PATJ: variants seen among roughly 807,000 people sequenced by gnomAD.
PATJ encodes the protein inaD-like protein.
PATJ carries 190 observed loss-of-function variants against 224.9 expected under a neutral mutation model. The observed-to-expected ratio is 0.84, with a 90% CI of 0.75 to 0.95. PATJ has a LOEUF of 0.95. PATJ is among the 40% of genes least tolerant of loss of function. The pLI is 0.00. For missense variants in PATJ, 2,121 were observed against 2,270.3 expected, an observed-to-expected ratio of 0.93 and a Z score of 1.34; for synonymous variants, 769 against 820.3, an observed-to-expected ratio of 0.94 and a Z score of 1.07.
chr1:61,850,455 T>A (rs550713036), intron 17 of PATJ, among the ~76,000 whole-genome samples: 1 of 152,360 alleles, frequency 6.6e-6, no homozygotes, highest in East Asian at 1.9e-4. Flanking sequence ...ATGTTTTACC[T>A]GTACATGCAG....
At chr1:61,980,424 G>A (rs1446028515) in intron 27 of PATJ, among the ~76,000 whole-genome samples, 5 of 149,912 alleles carry the variant, frequency 3.3e-5, no homozygotes, top group African/African-American at 1.0e-4. Context: ...CCAAAAGCTA[G>A]TACTTATATA....
chr1:61,775,114 C>G, intron 6 of PATJ, 92 bp from the exon 7 acceptor site: 1 of 1,310,232 alleles, frequency 7.6e-7, no homozygotes, highest in Non-Finnish European at 1.0e-6. Context: ...CAATTTGTTG[C>G]AAATCTGTTA....
At chr1:62,100,697 T>A in intron 33 of PATJ, among the ~76,000 whole-genome samples, 1 of 152,192 alleles carries the variant, frequency 6.6e-6, no homozygotes, top group East Asian at 1.9e-4. Flanking sequence ...TCCAACCAAT[T>A]TCTTGACAAT....
At chr1:61,962,375 AC>A (rs983117546) in intron 27 of PATJ, among the ~76,000 whole-genome samples, 2 of 152,218 alleles carry the variant, frequency 1.3e-5, no homozygotes, top group Non-Finnish European at 2.9e-5. Context: ...TTGGGCACTG[AC>A]TATATGTCCT....
At chr1:61,863,027 G>GT (rs35033086) in intron 19 of PATJ, among the ~76,000 whole-genome samples, 3,064 of 79,976 alleles carry the variant, frequency 0.038, 254 homozygotes, top group African/African-American at 0.049. Context: ...ACTGTTTTCA[G>GT]TTTTTTTTTT....
intron 42 of PATJ, among the ~76,000 whole-genome samples, chr1:62,150,881 G>A (rs919214718): frequency 2.6e-5 from 4 of 152,114 alleles, no homozygotes; most frequent in Admixed American, 1.3e-4. Flanking sequence ...GGTGGCTTAC[G>A]CCTGTAATCC....
intron 21 of PATJ, among the ~76,000 whole-genome samples, chr1:61,880,756 A>G (rs1667975823): frequency 6.6e-6 from 1 of 152,180 alleles, no homozygotes; most frequent in Non-Finnish European, 1.5e-5. Context: ...TATTTTAAAT[A>G]TTTTTTCTTC....
chr1:62,119,005 A>G (rs1423890341), intron 37 of PATJ, among the ~76,000 whole-genome samples: 1 of 90,876 alleles, frequency 1.1e-5, no homozygotes, highest in Non-Finnish European at 1.8e-5. Flanking sequence ...TTAAATATCA[A>G]AAAAAAAAAA....
In PATJ at chr1:62,084,781, T is replaced by G. The variant is rs189044745; in HGVS notation, c.4377+133T>G. On this transcript the variant is annotated intron_variant, in intron 33 of 43. Coordinates refer to ENST00000642238, the MANE Select transcript of PATJ (RefSeq NM_001350145.3). ...GAGAAAATGTGATTATAAATAGATG[T>G]GCATCCATAGTCTAGCTAGTTTTCA... is the stretch of plus-strand genomic sequence containing the variant. The G allele has an allele frequency of 3.8e-3, 3,414 of 895,718 alleles. 14 individuals are homozygous for G. The highest frequency in any genetic ancestry group is 3.9e-3 in the Non-Finnish European group (2,230 of 570,400). 55.5% of individuals were successfully genotyped at this position (895,718 alleles called of 1,614,324 possible).
chr1:62,144,766 C>CAAAAAAA (rs546610971), intron 41 of PATJ, among the ~76,000 whole-genome samples: 2 of 116,508 alleles, frequency 1.7e-5, no homozygotes, highest in Non-Finnish European at 3.4e-5. Context: ...ATGTTATTTG[C>CAAAAAAA]AAAAAAAAAA....
chr1:61,823,073 G>C lies in PATJ; in HGVS notation c.1812G>C (p.Leu604=), dbSNP rs1657598499. 1.2e-6 allele frequency: 2 copies of C among 1,613,872 alleles called. No individual in the cohort carries two copies. Among genetic ancestry groups the C allele is most frequent in the Admixed American group, 3.3e-5 (2 of 59,972 alleles). The change falls in exon 15 of 44, where the codon CTG becomes CTC. Residue 604 remains leucine, a synonymous_variant. Transcript: ENST00000642238. ...TLGLLQPEDE[L]LEVNGMQLYG... Reference sequence around the variant, plus strand: ...GTCTCCTACAGCCAGAAGATGAGCTGCTTGAGGTAAAATTTATGGGGAAAG... The same window carrying C: ...GTCTCCTACAGCCAGAAGATGAGCTCCTTGAGGTAAAATTTATGGGGAAAG...
intron 25 of PATJ, among the ~76,000 whole-genome samples, chr1:61,910,286 CTT>C (rs1467274654): frequency 6.6e-6 from 1 of 152,162 alleles, no homozygotes; most frequent in African/African-American, 2.4e-5. Context: ...GAGGTGGAAA[CTT>C]TTGTTTGGAT....
intron 38 of PATJ, among the ~76,000 whole-genome samples, chr1:62,122,401 A>C (rs1016919042): frequency 6.6e-6 from 1 of 151,530 alleles, no homozygotes; most frequent in African/African-American, 2.4e-5. Flanking sequence ...CACACACACA[A>C]AAATGAGTCA....
At chr1:62,153,848 G>A (rs996561229) in intron 43 of PATJ, among the ~76,000 whole-genome samples, 1 of 152,120 alleles carries the variant, frequency 6.6e-6, no homozygotes, top group Non-Finnish European at 1.5e-5. Context: ...AAAATAACAG[G>A]CACCAGGGGG....
chr1:62,101,525 A>G (rs916572001), intron 33 of PATJ, among the ~76,000 whole-genome samples: 6 of 152,162 alleles, frequency 3.9e-5, no homozygotes, highest in African/African-American at 1.4e-4. Flanking sequence ...AGCCTCCCAT[A>G]GTGCTGGGAT....
intron 41 of PATJ, among the ~76,000 whole-genome samples, chr1:62,136,119 C>T (rs770133524): frequency 2.7e-5 from 4 of 148,182 alleles, no homozygotes; most frequent in Non-Finnish European, 5.9e-5. Flanking sequence ...CCTCTGCCTC[C>T]TGGGTTTAAG....
intron 38 of PATJ, among the ~76,000 whole-genome samples, chr1:62,122,014 T>G (rs1024598595): frequency 2.0e-5 from 3 of 151,606 alleles, no homozygotes; most frequent in Non-Finnish European, 2.9e-5. Context: ...TCCTTTTAAG[T>G]CTTTTGTTGA....
intron 17 of PATJ, among the ~76,000 whole-genome samples, chr1:61,847,243 G>GT (rs1662109842): frequency 6.6e-6 from 1 of 152,150 alleles, no homozygotes. Context: ...CTTAAAATAG[G>GT]TTTTTAAAGT....
chr1:62,116,984 A>G (rs923020071), intron 36 of PATJ, 148 bp from the exon 37 acceptor site: 3 of 663,374 alleles, frequency 4.5e-6, no homozygotes, highest in African/African-American at 3.6e-5. Flanking sequence ...TCCAGGAGCC[A>G]CAGAATTCAT....
Sources: gnomAD v4.1 joint callset for allele counts (sites outside exome capture counted in the v4.1 genomes callset) on GRCh38, gnomAD v4.1.1 for gene constraint, MANE v1.5 for transcripts, NCBI Gene and HGNC (gene_info 2026-07-23, HGNC 2026-07-21) for gene names.